The following PTPRM variants were observed in gnomAD, a reference collection of about 807,000 sequenced individuals.
PTPRM encodes the protein protein tyrosine phosphatase receptor type M.
A neutral mutation model predicts 186.7 loss-of-function variants in PTPRM; 47 were observed. The ratio of observed to expected loss-of-function variants is 0.25; its 90% CI spans 0.20 to 0.32. The LOEUF (loss-of-function observed/expected upper bound fraction) is 0.32, where lower values mean the gene tolerates loss of function less well. PTPRM is among the 10% of genes least tolerant of loss of function. The pLI, the probability that PTPRM is intolerant of heterozygous loss-of-function variation, is 1.00. For synonymous variants in PTPRM, 668 were observed against 674.9 expected, an observed-to-expected ratio of 0.99 and a Z score of 0.16; for missense variants, 1,494 against 1,865.0, an observed-to-expected ratio of 0.80 and a Z score of 3.66.
At chr18:8,147,959 T>C (rs917919972) in intron 14 of PTPRM, among the ~76,000 whole-genome samples, 1 of 152,194 alleles carries the variant, frequency 6.6e-6, no homozygotes, top group Admixed American at 6.5e-5. Context: ...TTGATTTGTG[T>C]ATGTTGAACC....
intron 3 of PTPRM, among the ~76,000 whole-genome samples, chr18:7,898,476 A>G (rs1174776619): frequency 6.6e-6 from 1 of 152,196 alleles, no homozygotes; most frequent in African/African-American, 2.4e-5. Flanking sequence ...CTGCTTCTGC[A>G]TTTCTCCTGT....
intron 19 of PTPRM, among the ~76,000 whole-genome samples, chr18:8,278,320 G>T (rs1034887700): frequency 2.0e-5 from 3 of 152,206 alleles, no homozygotes; most frequent in African/African-American, 7.2e-5. Context: ...TAACCTGAGT[G>T]CACAATTCCA....
At chr18:7,713,801 GTA>G (rs1164949337) in intron 1 of PTPRM, among the ~76,000 whole-genome samples, 4 of 151,904 alleles carry the variant, frequency 2.6e-5, no homozygotes, top group African/African-American at 9.7e-5. Flanking sequence ...AATGGTAAAG[GTA>G]TCAATGCAAC....
intron 3 of PTPRM, among the ~76,000 whole-genome samples, chr18:7,891,071 G>A (rs1252116468): frequency 6.6e-6 from 1 of 150,680 alleles, no homozygotes; most frequent in East Asian, 2.0e-4. Context: ...GGGTCCAGGA[G>A]TTTAAGACCA....
At position 7,898,276 on chromosome 18, in the gene PTPRM, C is replaced by T. The variant is rs1410507154; in HGVS notation, c.469-8229C>T. On this transcript the variant is annotated intron_variant, in intron 3 of 32. Coordinates refer to ENST00000580170, the MANE Select transcript of PTPRM (RefSeq NM_001105244.2). ...ATAGACTAGGTAATGTGTGGGAGAACCAACGTTTAATCCCCTTTGTTCTAG... is the reference window on the plus strand; with the variant it reads ...ATAGACTAGGTAATGTGTGGGAGAATCAACGTTTAATCCCCTTTGTTCTAG... 2.6e-5 allele frequency among the ~76,000 whole-genome samples: 4 copies of T among 152,236 alleles called. No homozygotes were observed. The South Asian group carries it at 6.2e-4, about 24-fold the overall frequency.
chr18:7,783,622 A>G (rs969984848), intron 2 of PTPRM, among the ~76,000 whole-genome samples: 3 of 151,730 alleles, frequency 2.0e-5, no homozygotes, highest in Non-Finnish European at 4.4e-5. Context: ...CCTGTGTTGG[A>G]GTGCAGTGGC....
At position 8,113,748 on chromosome 18, in the gene PTPRM, A is replaced by C. The variant is rs2091850437; in HGVS notation, c.2119A>C (p.Arg707=). 2 of 1,613,166 alleles carry C rather than the reference A, an allele frequency of 1.2e-6. No individual in the cohort carries two copies. Among genetic ancestry groups the C allele is most frequent in the African/African-American group, 2.7e-5 (2 of 74,894 alleles). The change falls in exon 12 of 33, where the codon AGA becomes CGA. Residue 707 remains arginine (R), a synonymous_variant. Transcript: ENST00000580170. ...CAGAATTTATTTCCAAGCTGCTAGT[A>C]GAGCCAATGGGGTAAGTTGTACAGA... ...SYRIYFQAAS[R]ANGETKIDCV...
chr18:7,809,160 C>T (rs1171300665), intron 2 of PTPRM, among the ~76,000 whole-genome samples: 2 of 152,192 alleles, frequency 1.3e-5, no homozygotes, highest in African/African-American at 4.8e-5. Context: ...GCCTGGCTTT[C>T]TCTCTCATCA....
intron 14 of PTPRM, among the ~76,000 whole-genome samples, chr18:8,232,450 C>T (rs2094298050): frequency 6.6e-6 from 1 of 152,176 alleles, no homozygotes; most frequent in East Asian, 1.9e-4. Context: ...TTTTCAAATC[C>T]TTTGGGTAAA....
At chr18:7,715,526 G>C (rs2040308683) in intron 1 of PTPRM, among the ~76,000 whole-genome samples, 1 of 152,080 alleles carries the variant, frequency 6.6e-6, no homozygotes, top group Non-Finnish European at 1.5e-5. Context: ...GCAAGAGAAA[G>C]AAATAAAGGG....
intron 14 of PTPRM, among the ~76,000 whole-genome samples, chr18:8,160,887 A>G (rs1351398254): frequency 6.6e-6 from 1 of 152,180 alleles, no homozygotes; most frequent in Admixed American, 6.5e-5. Flanking sequence ...AATAAGAACA[A>G]ATTCAGGAAA....
intron 4 of PTPRM, among the ~76,000 whole-genome samples, chr18:7,920,618 C>T (rs754304208): frequency 1.3e-5 from 2 of 152,154 alleles, no homozygotes; most frequent in Admixed American, 6.5e-5. Flanking sequence ...ACAATACTTA[C>T]GAATAGATTG....
intron 23 of PTPRM, among the ~76,000 whole-genome samples, chr18:8,347,168 C>T (rs912214290): frequency 2.6e-5 from 4 of 152,196 alleles, no homozygotes; most frequent in East Asian, 1.9e-4. Flanking sequence ...GTTGTGCACC[C>T]GTGCACACGT....
chr18:8,018,448 G>C (rs1428420057), intron 7 of PTPRM, among the ~76,000 whole-genome samples: 2 of 152,154 alleles, frequency 1.3e-5, no homozygotes, highest in Non-Finnish European at 2.9e-5. Context: ...CAGAGCATTC[G>C]ATTTATCCTC....
At chr18:7,634,935 GATA>G (rs531577941) in intron 1 of PTPRM, among the ~76,000 whole-genome samples, 5 of 152,218 alleles carry the variant, frequency 3.3e-5, no homozygotes, top group South Asian at 4.1e-4. Flanking sequence ...ATGTCCCTAA[GATA>G]ATAAGCAATG....
chr18:8,116,050 A>C (rs898644354), intron 13 of PTPRM, among the ~76,000 whole-genome samples: 1 of 152,256 alleles, frequency 6.6e-6, no homozygotes, highest in African/African-American at 2.4e-5. Flanking sequence ...GTATAGAAAT[A>C]AATTGATATT....
chr18:8,145,624 C>T (rs1354370970), intron 14 of PTPRM, among the ~76,000 whole-genome samples: 3 of 152,198 alleles, frequency 2.0e-5, no homozygotes, highest in Non-Finnish European at 4.4e-5. Context: ...TTTCCAGCTT[C>T]ATCCATGTCC....
At chr18:7,757,282 T>C (rs2041544925) in intron 1 of PTPRM, among the ~76,000 whole-genome samples, 2 of 152,236 alleles carry the variant, frequency 1.3e-5, no homozygotes, top group Non-Finnish European at 2.9e-5. Context: ...TAAATTAAAC[T>C]CAAGGGTCAG....
chr18:8,212,412 A>G (rs954766329), intron 14 of PTPRM, among the ~76,000 whole-genome samples: 10 of 75,570 alleles, frequency 1.3e-4, no homozygotes, highest in African/African-American at 4.1e-4. Context: ...TTAATTATAA[A>G]TTTAATGCTC....
Sources: gnomAD v4.1 joint callset for allele counts (sites outside exome capture counted in the v4.1 genomes callset) on GRCh38, gnomAD v4.1.1 for gene constraint, MANE v1.5 for transcripts, NCBI Gene and HGNC (gene_info 2026-07-23, HGNC 2026-07-21) for gene names.